NDUFAF5: variants seen among roughly 807,000 people sequenced by gnomAD.
NDUFAF5 encodes arginine-hydroxylase NDUFAF5, mitochondrial.
In NDUFAF5, 34 loss-of-function variants were observed where a neutral mutation model predicts 48.9. The observed-to-expected ratio is 0.70, with a 90% CI of 0.53 to 0.93. The LOEUF (loss-of-function observed/expected upper bound fraction) is 0.93, where lower values mean the gene tolerates loss of function less well. NDUFAF5 is among the 40% of genes least tolerant of loss of function. The pLI is 0.00. For missense variants in NDUFAF5, 428 were observed against 427.5 expected, an observed-to-expected ratio of 1.00 and a Z score of -0.01; for synonymous variants, 153 against 150.6, an observed-to-expected ratio of 1.02 and a Z score of -0.12.
intron 4 of NDUFAF5, 54 bp downstream of exon 4, chr20:13,793,281 ATTTTATTTCTTTATTTT>A: frequency 7.2e-7 from 1 of 1,389,248 alleles, no homozygotes; most frequent in Non-Finnish European, 1.0e-6. Flanking sequence ...GTTTTCTCAT[ATTTTATTTCTTTATTTT>A]TATTTCCTTC....
At chr20:13,810,889 T>G (rs1985770466) in intron 8 of NDUFAF5, among the ~76,000 whole-genome samples, 1 of 152,156 alleles carries the variant, frequency 6.6e-6, no homozygotes, top group Non-Finnish European at 1.5e-5. Context: ...CTATTTTTTT[T>G]GTCAAACTGG....
At position 13,817,766 on chromosome 20, in the gene NDUFAF5, G is replaced by T. The variant is rs1433736545; in HGVS notation, c.*556G>T. On this transcript the variant is annotated 3_prime_UTR_variant, in exon 11 of 11. Coordinates refer to ENST00000378106, the MANE Select transcript of NDUFAF5 (RefSeq NM_024120.5). ...TTAGGGAAGAAGAAAACATTTTAAA[G>T]AATACCAGAAGTAGAATCACATGTA... The T allele has an allele frequency of 2.2e-6, 1 of 453,920 alleles. No individual in the cohort carries two copies. Among genetic ancestry groups the T allele is most frequent in the Admixed American group, 2.4e-5 (1 of 42,550 alleles). 28.1% of individuals were successfully genotyped at this position (453,920 alleles called of 1,614,324 possible). A position where few individuals can be genotyped will look rare whatever the true frequency, so the allele number is the denominator to read the frequency against.
At chr20:13,787,891 G>A (rs1471793810) in intron 2 of NDUFAF5, among the ~76,000 whole-genome samples, 1 of 147,518 alleles carries the variant, frequency 6.8e-6, no homozygotes, top group Admixed American at 6.8e-5. Context: ...CTTATTATAG[G>A]TTTTTTTTTT....
chr20:13,787,251 G>A, intron 1 of NDUFAF5, 61 bp from the exon 2 acceptor site: 1 of 1,539,410 alleles, frequency 6.5e-7, no homozygotes, highest in Non-Finnish European at 9.0e-7. Context: ...CTTGTGGATT[G>A]TTGAATACTG....
At chr20:13,802,423 C>T (rs769631299) in intron 7 of NDUFAF5, among the ~76,000 whole-genome samples, 1 of 152,122 alleles carries the variant, frequency 6.6e-6, no homozygotes, top group Non-Finnish European at 1.5e-5. Flanking sequence ...AATCCCAGCA[C>T]TTTGGGAGGC....
At chr20:13,807,670 G>T (rs890239376) in intron 7 of NDUFAF5, among the ~76,000 whole-genome samples, 1 of 151,552 alleles carries the variant, frequency 6.6e-6, no homozygotes, top group African/African-American at 2.4e-5. Context: ...CCAGCCAGGC[G>T]CCATGGCCCA....
At position 13,805,161 on chromosome 20, in the gene NDUFAF5, A is replaced by G. The variant is rs560221454; in HGVS notation, c.717+3478A>G. ...AAAGTATAGGAGGTGTAGGGCTGGG[A>G]TGGTGTGGCGATGTGTAGTGCACAT... On this transcript the variant is annotated intron_variant, in intron 7 of 10. Coordinates refer to ENST00000378106, the MANE Select transcript of NDUFAF5 (RefSeq NM_024120.5). Among the ~76,000 whole-genome samples the G allele has an allele frequency of 3.3e-5, 5 of 151,602 alleles. No individual in the cohort carries two copies. The East Asian group carries it at 9.8e-4, about 30-fold the overall frequency.
rs530356297 is a variant in NDUFAF5, at chr20:13,809,236, C to T, written c.778+334C>T. ...AAGGGTGCACTTGAGGATGATGGAA[C>T]ACATTGGTGACTTCCTTCAGCCACA... On this transcript the variant is annotated intron_variant, in intron 8 of 10. Transcript: ENST00000378106. 7.9e-5 allele frequency among the ~76,000 whole-genome samples: 12 copies of T among 152,290 alleles called. No individual in the cohort carries two copies. The East Asian group carries it at 2.3e-3, about 29-fold the overall frequency.
intron 8 of NDUFAF5, 109 bp from the exon 9 acceptor site, chr20:13,816,354 A>G: frequency 1.3e-6 from 1 of 798,102 alleles, no homozygotes; most frequent in Non-Finnish European, 2.2e-6. Context: ...CATGACCCTT[A>G]GAGAATGAGG....
At chr20:13,800,895 C>T (rs971671655) in intron 6 of NDUFAF5, among the ~76,000 whole-genome samples, 2 of 152,162 alleles carry the variant, frequency 1.3e-5, no homozygotes, top group African/African-American at 4.8e-5. Context: ...CTACATCTCT[C>T]CTCCTCCTCT....
intron 3 of NDUFAF5, among the ~76,000 whole-genome samples, chr20:13,789,275 C>G (rs991343061): frequency 1.3e-5 from 2 of 151,902 alleles, no homozygotes; most frequent in Non-Finnish European, 2.9e-5. Flanking sequence ...AACGATTCTC[C>G]TGCCGCAGCC....
At chr20:13,814,788 C>A (rs1025006072) in intron 8 of NDUFAF5, among the ~76,000 whole-genome samples, 3 of 152,044 alleles carry the variant, frequency 2.0e-5, no homozygotes, top group Non-Finnish European at 4.4e-5. Flanking sequence ...AACTGGAATT[C>A]GATAGAGGTT....
intron 3 of NDUFAF5, among the ~76,000 whole-genome samples, chr20:13,791,122 A>G (rs1982210606): frequency 6.6e-6 from 1 of 152,222 alleles, no homozygotes; most frequent in South Asian, 2.1e-4. Context: ...TGATGTGGCA[A>G]GGAGCACGGG....
At chr20:13,786,245 T>A (rs137933483) in intron 1 of NDUFAF5, among the ~76,000 whole-genome samples, 124 of 152,324 alleles carry the variant, frequency 8.1e-4, no homozygotes, top group African/African-American at 2.8e-3. Flanking sequence ...CAAGTACAGG[T>A]CTGATCAGAT....
chr20:13,808,043 C>T (rs1009123658), intron 7 of NDUFAF5, among the ~76,000 whole-genome samples: 8 of 152,318 alleles, frequency 5.3e-5, no homozygotes, highest in African/African-American at 1.4e-4. Flanking sequence ...ATCACAGCTG[C>T]GTGCTGGTGG....
intron 6 of NDUFAF5, 104 bp from the exon 7 acceptor site, chr20:13,801,382 A>G: frequency 1.5e-6 from 1 of 667,282 alleles, no homozygotes; most frequent in South Asian, 2.6e-5. Context: ...TTGGCAGAAT[A>G]AAAGTGGTTG....
chr20:13,812,442 T>C (rs1361439576), intron 8 of NDUFAF5, among the ~76,000 whole-genome samples: 2 of 152,200 alleles, frequency 1.3e-5, no homozygotes, highest in East Asian at 1.9e-4. Flanking sequence ...GCTGATGATA[T>C]ATCACTCGGG....
Position 13,817,740 on chromosome 20 carries a change from C to T in NDUFAF5, c.*530C>T. 2.2e-6 allele frequency: 1 copy of T among 453,992 alleles called. No homozygotes were observed. The highest frequency in any genetic ancestry group is 1.6e-5 in the South Asian group (1 of 64,466). 28.1% of individuals were successfully genotyped at this position (453,992 alleles called of 1,614,324 possible). Reference sequence around the variant, plus strand: ...ACCATGGTTTTACACCCCACCCTACCTTAGGGAAGAAGAAAACATTTTAAA... The same window carrying T: ...ACCATGGTTTTACACCCCACCCTACTTTAGGGAAGAAGAAAACATTTTAAA... On this transcript the variant is annotated 3_prime_UTR_variant, in exon 11 of 11. Coordinates refer to ENST00000378106, the MANE Select transcript of NDUFAF5 (RefSeq NM_024120.5).
intron 7 of NDUFAF5, chr20:13,803,043 A>G (rs1344597575): frequency 6.6e-6 from 1 of 152,270 alleles, no homozygotes; most frequent in Non-Finnish European, 1.5e-5. Flanking sequence ...ATTAGAGATG[A>G]TAAGCTTAAA....
Sources: allele counts gnomAD v4.1 joint callset (sites outside exome capture counted in the v4.1 genomes callset), GRCh38; gene constraint gnomAD v4.1.1; transcripts MANE v1.5; gene names NCBI Gene and HGNC (gene_info 2026-07-23, HGNC 2026-07-21).